The following SHANK2 variants were observed in gnomAD, a reference collection of about 807,000 sequenced individuals.
SHANK2 encodes the protein SH3 and multiple ankyrin repeat domains 2.
SHANK2 carries 43 observed loss-of-function variants against 133.7 expected under a neutral mutation model. The observed-to-expected ratio is 0.32, with a 90% CI of 0.25 to 0.41. SHANK2 has a LOEUF of 0.41. Among genes scored for constraint, SHANK2 ranks in the 10% least tolerant of loss-of-function variants. The probability of loss-of-function intolerance (pLI) is 1.00; values close to 1 mark genes in which losing one functional copy is unlikely to be tolerated. For missense variants in SHANK2, 1,994 were observed against 2,235.8 expected (o/e 0.89, Z 2.18); for synonymous variants, 1,017 against 952.8 (o/e 1.07, Z -1.24).
At position 70,487,491 on chromosome 11, in the gene SHANK2, G is replaced by T; in HGVS notation, c.2802C>A (p.Pro934=). 1 of 1,613,954 alleles carries T rather than the reference G, an allele frequency of 6.2e-7. No individual in the cohort carries two copies. Among genetic ancestry groups the T allele is most frequent in the Non-Finnish European group, 8.5e-7 (1 of 1,180,014 alleles). Residue 934 remains proline (P), a synonymous_variant, in exon 25 of 26, where the codon CCC becomes CCA. Transcript: ENST00000601538. This position sits in a 1 kb window ranked among gnomAD's most constrained non-coding sequence, Gnocchi z 5.8. ...FNQNSAAKVS[P]ATRSDTVATM... is the part of the protein sequence containing the mutation. ...TGGCCACGGTGTCGGACCTGGTGGC[G>T]GGGGACACCTTGGCGGCAGAATTCT...
chr11:70,495,364 G>A (rs555623168), intron 21 of SHANK2, among the ~76,000 whole-genome samples: 1 of 152,186 alleles, frequency 6.6e-6, no homozygotes, highest in African/African-American at 2.4e-5. Flanking sequence ...CCCTGGCCTC[G>A]CCGATCAGCT....
chr11:70,545,461 GGCGCCCACCTCA>G (rs1436581078), intron 17 of SHANK2, among the ~76,000 whole-genome samples: 32 of 152,318 alleles, frequency 2.1e-4, no homozygotes, highest in Non-Finnish European at 5.9e-5. Context: ...TCTCCTGGAT[GGCGCCCACCTCA>G]GCGCCCACTG....
At chr11:70,823,873 G>A (rs1948596242) in intron 11 of SHANK2, among the ~76,000 whole-genome samples, 1 of 151,158 alleles carries the variant, frequency 6.6e-6, no homozygotes, top group South Asian at 2.2e-4. Context: ...AGGTGGCACT[G>A]GCAAAGCACA....
chr11:70,553,608 G>C (rs2059795891), intron 17 of SHANK2, among the ~76,000 whole-genome samples: 1 of 152,178 alleles, frequency 6.6e-6, no homozygotes, highest in African/African-American at 2.4e-5. Flanking sequence ...AGTGCAGTGG[G>C]ACGCACGTCA....
At chr11:70,563,002 G>C (rs536928643) in intron 17 of SHANK2, among the ~76,000 whole-genome samples, 19 of 152,266 alleles carry the variant, frequency 1.2e-4, no homozygotes, top group Admixed American at 2.6e-4. Flanking sequence ...CTCCTGAACA[G>C]CTGGGATTAC....
intron 17 of SHANK2, among the ~76,000 whole-genome samples, chr11:70,584,359 G>T (rs1185405594): frequency 6.6e-6 from 1 of 152,166 alleles, no homozygotes; most frequent in East Asian, 1.9e-4. Flanking sequence ...CCAGGGTTTT[G>T]CTGACCCTGG....
At chr11:71,190,196 C>T (rs1392186419) in intron 2 of SHANK2, among the ~76,000 whole-genome samples, 2 of 152,236 alleles carry the variant, frequency 1.3e-5, no homozygotes, top group East Asian at 1.9e-4. Flanking sequence ...ATTCAGTCCT[C>T]GCTCTTATCC....
At chr11:71,211,970 C>G (rs149881104) in intron 2 of SHANK2, among the ~76,000 whole-genome samples, 5 of 152,300 alleles carry the variant, frequency 3.3e-5, no homozygotes, top group African/African-American at 1.2e-4. Flanking sequence ...AAAGCCTATT[C>G]ACTGTGTTTT....
chr11:71,215,632 C>A (rs1261154401), intron 2 of SHANK2, among the ~76,000 whole-genome samples: 1 of 152,222 alleles, frequency 6.6e-6, no homozygotes, highest in Non-Finnish European at 1.5e-5. Context: ...CCCCACATAG[C>A]CATCCGTGGC....
chr11:71,195,724 A>G (rs1555116092), intron 2 of SHANK2, among the ~76,000 whole-genome samples: 1 of 152,242 alleles, frequency 6.6e-6, no homozygotes, highest in Non-Finnish European at 1.5e-5. Context: ...AAATTTACAA[A>G]CTTAAAAAAA....
At chr11:71,138,538 C>G (rs11232228) in intron 3 of SHANK2, among the ~76,000 whole-genome samples, 1 of 151,852 alleles carries the variant, frequency 6.6e-6, no homozygotes, top group African/African-American at 2.4e-5. Context: ...CATATCCGGC[C>G]GGGCGCGGTG....
intron 1 of SHANK2, among the ~76,000 whole-genome samples, chr11:71,237,811 C>T (rs1050750703): frequency 9.2e-5 from 14 of 152,158 alleles, no homozygotes; most frequent in African/African-American, 1.7e-4. Flanking sequence ...TGGTAAAAGA[C>T]GGCAGGATGA....
rs529384229 is a variant in SHANK2 at position 70,691,721 on chromosome 11, G to A, written c.1853+6967C>T. ...AGCCAGGCCAACATGGTGAAACCCCGTCTCTACTAAAAATACAAAATAATT... is the reference window on the plus strand; with the variant it reads ...AGCCAGGCCAACATGGTGAAACCCCATCTCTACTAAAAATACAAAATAATT... On this transcript the variant is annotated intron_variant, in intron 15 of 25. Transcript: ENST00000601538. 1.4e-4 allele frequency among the ~76,000 whole-genome samples: 21 copies of A among 152,084 alleles called. No individual in the cohort carries two copies. In the South Asian group the frequency reaches 2.9e-3, roughly 21 times the overall value.
chr11:70,539,456 G>A (rs1301873985), intron 17 of SHANK2, among the ~76,000 whole-genome samples: 4 of 103,358 alleles, frequency 3.9e-5, no homozygotes, highest in East Asian at 5.5e-4. Context: ...GTGACACCGC[G>A]GTCTGGGGGG....
chr11:70,790,115 T>C (rs1258281263), intron 14 of SHANK2, among the ~76,000 whole-genome samples: 1 of 152,242 alleles, frequency 6.6e-6, no homozygotes, highest in Non-Finnish European at 1.5e-5. Context: ...TGTTTCTTAG[T>C]CAAGATACAT....
chr11:70,779,213 T>A (rs1565310357), intron 14 of SHANK2, among the ~76,000 whole-genome samples: 1 of 151,644 alleles, frequency 6.6e-6, no homozygotes, highest in East Asian at 1.9e-4. Flanking sequence ...CAGCAGCACA[T>A]ACTTCACGGC....
At chr11:71,192,844 T>G (rs564961732) in intron 2 of SHANK2, among the ~76,000 whole-genome samples, 4 of 152,318 alleles carry the variant, frequency 2.6e-5, no homozygotes, top group Non-Finnish European at 5.9e-5. Context: ...ACCCAGAGAA[T>G]GCAATCATGC....
chr11:71,133,291 CGGCTGGCT>C (rs542164003), intron 3 of SHANK2, among the ~76,000 whole-genome samples: 2 of 111,300 alleles, frequency 1.8e-5, no homozygotes, highest in Admixed American at 8.7e-5. Context: ...GCCGGCCGGA[CGGCTGGCT>C]GGCTGGCTGG....
In SHANK2 at chr11:70,768,734, G is replaced by C. The variant is rs11237423; in HGVS notation, c.1777+29709C>G. Among the ~76,000 whole-genome samples the C allele has an allele frequency of 4.4e-4, 67 of 152,344 alleles. No homozygotes were observed. In the East Asian group the frequency reaches 0.01, roughly 24 times the overall value. Reference sequence around the variant, plus strand: ...AGGCTGGGGGAAGCCTCAGGCCATGGGGAGCCTGGAGATGGAGGGAGGAGG... The same window carrying C: ...AGGCTGGGGGAAGCCTCAGGCCATGCGGAGCCTGGAGATGGAGGGAGGAGG... On this transcript the variant is annotated intron_variant, in intron 14 of 25. Transcript: ENST00000601538.
Sources: allele counts gnomAD v4.1 joint callset (sites outside exome capture counted in the v4.1 genomes callset), GRCh38; gene constraint gnomAD v4.1.1; non-coding constraint Gnocchi (gnomAD v3.1); transcripts MANE v1.5; gene names NCBI Gene and HGNC (gene_info 2026-07-23, HGNC 2026-07-21).